Variants in TBX5 observed in about 807,000 individuals in gnomAD.
TBX5 encodes the protein T-box transcription factor 5.
TBX5 carries 8 observed loss-of-function variants against 51.1 expected under a neutral mutation model. The observed-to-expected ratio is 0.16, with a 90% CI of 0.09 to 0.28. The LOEUF is 0.28. Among genes scored for constraint, TBX5 ranks in the 10% least tolerant of loss-of-function variants. TBX5 has a pLI of 1.00. For synonymous variants in TBX5, 302 were observed against 266.4 expected, an observed-to-expected ratio of 1.13 and a Z score of -1.30; for missense variants, 589 against 671.7, an observed-to-expected ratio of 0.88 and a Z score of 1.36.
chr12:114,392,465 C>T (rs1290540805), intron 6 of TBX5, among the ~76,000 whole-genome samples: 1 of 152,056 alleles, frequency 6.6e-6, no homozygotes, highest in African/African-American at 2.4e-5. Flanking sequence ...GTGAGTTTTC[C>T]CACATCTATC....
intron 6 of TBX5, among the ~76,000 whole-genome samples, chr12:114,389,711 G>A (rs185830178): frequency 7.4e-4 from 88 of 118,574 alleles, no homozygotes; most frequent in African/African-American, 2.7e-3. Flanking sequence ...CCGAGATCCC[G>A]CCACTGCACT....
chr12:114,399,734 C>G (rs1871680512), intron 3 of TBX5, 102 bp from the exon 4 acceptor site: 1 of 1,579,850 alleles, frequency 6.3e-7, no homozygotes, highest in African/African-American at 1.3e-5. Context: ...CCTGGAGAAA[C>G]GTGGAAGCGG....
chr12:114,389,582 G>A (rs1343312125), intron 6 of TBX5, among the ~76,000 whole-genome samples: 8 of 148,082 alleles, frequency 5.4e-5, no homozygotes, highest in Non-Finnish European at 1.2e-4. Context: ...GTGAAACCCC[G>A]TCTCTACTAA....
chr12:114,372,334 T>C (rs1869955585), intron 7 of TBX5, among the ~76,000 whole-genome samples: 1 of 152,114 alleles, frequency 6.6e-6, no homozygotes, highest in African/African-American at 2.4e-5. Context: ...AGACAAACTC[T>C]CACTCTGTTG....
chr12:114,408,130 C>A (rs368923776), upstream of TBX5: 1 of 985,412 alleles, frequency 1.0e-6, no homozygotes, highest in Non-Finnish European at 1.2e-6. Flanking sequence ...CCGGCCCGCG[C>A]GCTGTCACGT....
Position 114,398,587 on chromosome 12 carries a change from C to T in TBX5, c.496G>A (p.Asp166Asn). ...QKLKLTNNHL[D>N]PFGHIILNSM... ...ACGGTACTCACATGCCCAAATGGGTCCAGGTGGTTGTTGGTGAGCTTGAGT... is the reference window on the plus strand; with the variant it reads ...ACGGTACTCACATGCCCAAATGGGTTCAGGTGGTTGTTGGTGAGCTTGAGT... Residue 166 changes from aspartate to asparagine, a missense_variant, in exon 5 of 9, where the codon GAC becomes AAC. Around this residue, in one of 7 missense-constraint regions of TBX5, gnomAD observed 20 missense variants for 50.9 expected, o/e 0.39. Coordinates refer to ENST00000405440, the MANE Select transcript of TBX5 (RefSeq NM_181486.4). The T allele has an allele frequency of 6.2e-7, 1 of 1,613,424 alleles. No homozygotes were observed. Among genetic ancestry groups the T allele is most frequent in the Non-Finnish European group, 8.5e-7 (1 of 1,179,806 alleles).
chr12:114,402,940 G>A (rs748221753), intron 2 of TBX5, among the ~76,000 whole-genome samples: 1 of 152,228 alleles, frequency 6.6e-6, no homozygotes, highest in Non-Finnish European at 1.5e-5. Context: ...GGAAGGGATC[G>A]AAATCCCAAG....
At chr12:114,403,695 A>C in intron 2 of TBX5, 57 bp downstream of exon 2, 1 of 1,593,608 alleles carries the variant, frequency 6.3e-7, no homozygotes, top group Non-Finnish European at 8.5e-7. Flanking sequence ...CCGAGCAGGA[A>C]AGCCAGACTC....
intron 7 of TBX5, among the ~76,000 whole-genome samples, chr12:114,373,540 C>A (rs1870031942): frequency 1.3e-5 from 2 of 152,316 alleles, no homozygotes; most frequent in African/African-American, 2.4e-5. Context: ...CTCACTGCAA[C>A]CTCTGCCTCT....
intron 8 of TBX5, among the ~76,000 whole-genome samples, chr12:114,358,375 C>A (rs1869033470): frequency 1.3e-5 from 2 of 152,146 alleles, no homozygotes; most frequent in African/African-American, 4.8e-5. Context: ...TATAAAGACA[C>A]AAGTAAGCCA....
rs1868840972 is a variant in TBX5, at chr12:114,355,597, A to G, written c.1492T>C (p.Ser498Pro). The G allele has an allele frequency of 2.5e-6, 4 of 1,614,134 alleles. No homozygotes were observed. Among genetic ancestry groups the G allele is most frequent in the Non-Finnish European group, 3.4e-6 (4 of 1,180,022 alleles). Residue 498 changes from serine (S) to proline (P), a missense_variant, in exon 9 of 9, where the codon TCC (serine) becomes CCC (proline). Ser to Pro is a moderately conservative substitution (Grantham distance 74). This residue lies in a region of TBX5 where 348 missense variants were observed against 360.4 expected (regional missense o/e 0.97). Coordinates refer to ENST00000405440, the MANE Select transcript of TBX5 (RefSeq NM_181486.4). ...TGCACAGAGTGGTACTGATGAGGGG[A>G]TAGAGTCCTTGGCACGCCATGAGAG... is the stretch of plus-strand genomic sequence containing the variant. ...LYSHGVPRTL[S>P]PHQYHSVHGV...
At chr12:114,386,259 A>G (rs1178029869) in intron 6 of TBX5, among the ~76,000 whole-genome samples, 1 of 152,234 alleles carries the variant, frequency 6.6e-6, no homozygotes, top group East Asian at 1.9e-4. Context: ...GTTACAGAAC[A>G]GGGTCTTTTT....
At chr12:114,370,055 G>A (rs978097669) in intron 7 of TBX5, among the ~76,000 whole-genome samples, 1 of 151,998 alleles carries the variant, frequency 6.6e-6, no homozygotes, top group Non-Finnish European at 1.5e-5. Context: ...AGGAGTTCAA[G>A]ACCAGTCTGG....
At chr12:114,394,647 CAGAGG>C (rs1056407840) in intron 6 of TBX5, 89 bp downstream of exon 6, 12 of 1,573,314 alleles carry the variant, frequency 7.6e-6, no homozygotes, top group Non-Finnish European at 9.6e-6. Context: ...TGCTGCCATT[CAGAGG>C]AGCAAAGTTC....
At chr12:114,387,031 A>G (rs1026593711) in intron 6 of TBX5, among the ~76,000 whole-genome samples, 19 of 150,134 alleles carry the variant, frequency 1.3e-4, no homozygotes, top group African/African-American at 4.4e-4. Context: ...ACTTGAACCC[A>G]GGCGGCAGAG....
chr12:114,372,900 A>C (rs776312390), intron 7 of TBX5, among the ~76,000 whole-genome samples: 2 of 151,804 alleles, frequency 1.3e-5, no homozygotes, highest in Non-Finnish European at 2.9e-5. Flanking sequence ...TCTGTCTATA[A>C]AATGGGGATA....
chr12:114,394,871 T>C lies in TBX5; in HGVS notation c.533A>G (p.Lys178Arg), dbSNP rs913223856. ...FGHIILNSMH[K>R]YQPRLHIVKA... ...CACGATGTGTAATCTAGGCTGGTAT[T>C]TGTGCATGGAATTTAGAATAATCTA... is the stretch of plus-strand genomic sequence containing the variant. The change falls in exon 6 of 9, where the codon AAA becomes AGA. Residue 178 changes from lysine (K) to arginine (R), a missense_variant. Physicochemically the swap from Lys to Arg is conservative, Grantham distance 26. This residue lies in a region of TBX5 where 20 missense variants were observed against 50.9 expected (regional missense o/e 0.39). Coordinates refer to ENST00000405440, the MANE Select transcript of TBX5 (RefSeq NM_181486.4). 2.5e-6 allele frequency: 4 copies of C among 1,614,102 alleles called. No individual in the cohort carries two copies. The highest frequency in any genetic ancestry group is 3.4e-6 in the Non-Finnish European group (4 of 1,180,002).
intron 2 of TBX5, among the ~76,000 whole-genome samples, chr12:114,402,454 C>T (rs1871891940): frequency 6.6e-6 from 1 of 152,184 alleles, no homozygotes; most frequent in Non-Finnish European, 1.5e-5. Context: ...CAAATACTTG[C>T]TTATTCTCGA....
intron 7 of TBX5, among the ~76,000 whole-genome samples, chr12:114,371,728 T>A (rs562609395): frequency 6.6e-6 from 1 of 152,018 alleles, no homozygotes. Flanking sequence ...CTCGATAGCA[T>A]TTTAATCTGT....
Sources: gnomAD v4.1 joint callset for allele counts (sites outside exome capture counted in the v4.1 genomes callset) on GRCh38, gnomAD v4.1.1 for gene constraint, gnomAD v4.1.1 regional missense constraint, MANE v1.5 for transcripts, NCBI Gene and HGNC (gene_info 2026-07-23, HGNC 2026-07-21) for gene names.